The following PPP2R2B variants were observed in gnomAD, a reference collection of about 807,000 sequenced individuals.
PPP2R2B encodes the protein protein phosphatase 2 regulatory subunit Bbeta, also known as serine/threonine-protein phosphatase 2A 55 kDa regulatory subunit B beta isoform.
PPP2R2B carries 5 observed loss-of-function variants against 46.0 expected under a neutral mutation model. That is an observed-to-expected ratio of 0.11 (90% CI 0.06 to 0.23). PPP2R2B has a LOEUF of 0.23. Ranked by LOEUF, PPP2R2B falls within the 10% of genes least tolerant of loss-of-function variation. PPP2R2B has a pLI of 1.00. For missense variants in PPP2R2B, 367 were observed against 575.0 expected, an observed-to-expected ratio of 0.64 and a Z score of 3.70; for synonymous variants, 215 against 206.7, an observed-to-expected ratio of 1.04 and a Z score of -0.34.
At chr5:146,676,269 C>T (rs1302907414) in intron 5 of PPP2R2B, among the ~76,000 whole-genome samples, 1 of 152,110 alleles carries the variant, frequency 6.6e-6, no homozygotes, top group Non-Finnish European at 1.5e-5. Context: ...CAAAAAATGA[C>T]CTGTACAGAG....
intron 1 of PPP2R2B, among the ~76,000 whole-genome samples, chr5:146,913,514 T>G (rs1763266380): frequency 6.6e-6 from 1 of 151,726 alleles, no homozygotes; most frequent in South Asian, 2.1e-4. Context: ...CTATTTATAT[T>G]CTAGGCCTCT....
chr5:146,981,143 G>A (rs1753155497), intron 1 of PPP2R2B, among the ~76,000 whole-genome samples: 1 of 151,942 alleles, frequency 6.6e-6, no homozygotes, highest in South Asian at 2.1e-4. Context: ...TGCCTATTTT[G>A]TTCATAGTAC....
intron 5 of PPP2R2B, among the ~76,000 whole-genome samples, chr5:146,686,774 C>T (rs1778528229): frequency 6.6e-6 from 1 of 152,148 alleles, no homozygotes; most frequent in Admixed American, 6.5e-5. Context: ...CAGGCTTACC[C>T]TGCAGGGAGA....
intron 2 of PPP2R2B, among the ~76,000 whole-genome samples, chr5:146,840,084 G>A (rs1405888940): frequency 1.3e-5 from 2 of 152,208 alleles, no homozygotes; most frequent in Non-Finnish European, 2.9e-5. Flanking sequence ...AAAATGAAAA[G>A]TTAATTATGT....
chr5:146,764,223 G>T (rs548873648), intron 2 of PPP2R2B, among the ~76,000 whole-genome samples: 1 of 152,228 alleles, frequency 6.6e-6, no homozygotes, highest in African/African-American at 2.4e-5. Context: ...CCTGAGTCTG[G>T]AGGGGGGTGG....
chr5:147,033,168 G>A (rs551750613), intron 1 of PPP2R2B, among the ~76,000 whole-genome samples: 1 of 152,328 alleles, frequency 6.6e-6, no homozygotes, highest in African/African-American at 2.4e-5. Flanking sequence ...TAACAGTAGA[G>A]AAGATTACTG....
At chr5:147,070,010 C>T (rs1363227296) in intron 2 of PPP2R2B, among the ~76,000 whole-genome samples, 5 of 151,930 alleles carry the variant, frequency 3.3e-5, no homozygotes, top group Non-Finnish European at 5.9e-5. Flanking sequence ...AGGCTGGTCT[C>T]AAACTCCTGA....
intron 1 of PPP2R2B, among the ~76,000 whole-genome samples, chr5:146,890,160 G>A (rs560245386): frequency 3.3e-5 from 5 of 152,306 alleles, no homozygotes; most frequent in African/African-American, 4.8e-5. Flanking sequence ...TCAGTGTCAA[G>A]GGGAGAAATT....
intron 5 of PPP2R2B, among the ~76,000 whole-genome samples, chr5:146,664,393 G>T (rs891196922): frequency 6.6e-6 from 1 of 152,060 alleles, no homozygotes; most frequent in Non-Finnish European, 1.5e-5. Flanking sequence ...ATCTTCATCA[G>T]AGTAGATCCC....
rs984289306 is a variant in PPP2R2B, at chr5:146,588,870, C to CTA, written c.*1075_*1076dup. 3 of 152,064 alleles carry CTA rather than the reference C, an allele frequency of 2.0e-5. No individual in the cohort carries two copies. Among genetic ancestry groups the CTA allele is most frequent in the African/African-American group, 7.2e-5 (3 of 41,392 alleles). 9.4% of individuals were successfully genotyped at this position (152,064 alleles called of 1,614,324 possible). On this transcript the variant is annotated 3_prime_UTR_variant, in exon 10 of 10. Transcript: ENST00000394411. The stretch of plus-strand genomic sequence containing the variant: ...CTTCACAACTCAGCGTTTTTATTGG[C>CTA]TATTTTTGTTCTAGGTACAATGGAG...
chr5:146,682,207 A>G (rs147407998), intron 5 of PPP2R2B, among the ~76,000 whole-genome samples: 1 of 152,338 alleles, frequency 6.6e-6, no homozygotes, highest in East Asian at 1.9e-4. Context: ...ATACACTCTG[A>G]ATGCAAGGCA....
intron 2 of PPP2R2B, among the ~76,000 whole-genome samples, chr5:146,756,823 G>A (rs1324251027): frequency 6.6e-6 from 1 of 152,180 alleles, no homozygotes; most frequent in Non-Finnish European, 1.5e-5. Flanking sequence ...TTTTAGGCTG[G>A]ATGGGTAACA....
At chr5:146,738,851 T>C (rs1348198976) in intron 2 of PPP2R2B, among the ~76,000 whole-genome samples, 1 of 152,200 alleles carries the variant, frequency 6.6e-6, no homozygotes, top group East Asian at 1.9e-4. Flanking sequence ...ATAAATTAAT[T>C]CAAATATTTA....
chr5:146,969,499 G>A lies in PPP2R2B; in HGVS notation c.79+86166C>T, dbSNP rs748532029. 1.7e-4 allele frequency among the ~76,000 whole-genome samples: 26 copies of A among 152,148 alleles called. 1 individual carries two copies. The highest frequency in any genetic ancestry group is 1.7e-3 in the Admixed American group (26 of 15,272). On this transcript the variant is annotated intron_variant, in intron 1 of 8. Coordinates refer to the PPP2R2B transcript ENST00000336640. ...ACTTACTGACAGTTTATATAAGTGA[G>A]GGCACCCTGATTGGATTTCTTATCA...
chr5:147,036,069 C>T (rs938815033), intron 1 of PPP2R2B, among the ~76,000 whole-genome samples: 2 of 152,030 alleles, frequency 1.3e-5, no homozygotes. Flanking sequence ...CATAGGTAAA[C>T]GTGTACCATG....
chr5:146,738,125 G>A (rs542975578), intron 2 of PPP2R2B, among the ~76,000 whole-genome samples: 6 of 152,024 alleles, frequency 3.9e-5, no homozygotes, highest in South Asian at 2.1e-4. Flanking sequence ...GGCTGGGCGC[G>A]GTGGCTCACA....
intron 1 of PPP2R2B, among the ~76,000 whole-genome samples, chr5:146,941,874 G>A (rs929839707): frequency 1.3e-5 from 2 of 152,166 alleles, no homozygotes; most frequent in African/African-American, 2.4e-5. Flanking sequence ...GGGACTAGAA[G>A]TCTGAAATCA....
intron 1 of PPP2R2B, among the ~76,000 whole-genome samples, chr5:146,903,819 A>G (rs1259258077): frequency 6.6e-6 from 1 of 152,154 alleles, no homozygotes; most frequent in Non-Finnish European, 1.5e-5. Context: ...GTATCAGAAT[A>G]CTCAGTTTTC....
At chr5:147,011,601 C>T (rs1754737064) in intron 1 of PPP2R2B, among the ~76,000 whole-genome samples, 1 of 151,582 alleles carries the variant, frequency 6.6e-6, no homozygotes, top group African/African-American at 2.4e-5. Context: ...CTGGCCAGAA[C>T]TTCCAACACT....
Sources: gnomAD v4.1 joint callset for allele counts (sites outside exome capture counted in the v4.1 genomes callset) on GRCh38, gnomAD v4.1.1 for gene constraint, MANE v1.5 for transcripts, NCBI Gene and HGNC (gene_info 2026-07-23, HGNC 2026-07-21) for gene names.